The following ALKBH5 variants were observed in gnomAD, a reference collection of about 807,000 sequenced individuals.
ALKBH5 encodes alkB homolog 5, RNA demethylase.
ALKBH5 carries 2 observed loss-of-function variants against 32.1 expected under a neutral mutation model. The observed-to-expected ratio is 0.06, with a 90% confidence interval of 0.03 to 0.20. ALKBH5 has a LOEUF of 0.20. ALKBH5 is among the 10% of genes least tolerant of loss of function. The pLI is 1.00. For missense variants in ALKBH5, 352 were observed against 559.5 expected (o/e 0.63, Z 3.74); for synonymous variants, 300 against 231.7 (o/e 1.29, Z -2.68).
intron 2 of ALKBH5, among the ~76,000 whole-genome samples, chr17:18,201,167 C>T (rs2047234501): frequency 6.6e-6 from 1 of 152,170 alleles, no homozygotes; most frequent in Non-Finnish European, 1.5e-5. Flanking sequence ...TTTCTCTGAC[C>T]AGGGCTTGGT....
rs2047196731 is a variant in ALKBH5 at position 18,194,877 on chromosome 17, TC to T, written c.771-76del. 1.3e-5 allele frequency: 17 copies of T among 1,272,374 alleles called. No homozygotes were observed. The South Asian group carries it at 2.1e-4, about 16-fold the overall frequency. The allele number at this position is 1,272,374 out of a possible 1,614,324, so 78.8% of individuals were successfully genotyped here. ...AGCAGCCGTAAGACCTAGGCCATGT[TC>T]CTGTCCTGTTATATCCCCCAGGAAC... On this transcript the variant is annotated intron_variant, in intron 1 of 3. Transcript: ENST00000399138.
rs777123260 is a variant in ALKBH5 at position 18,208,365 on chromosome 17, C to G, written c.1154C>G (p.Pro385Arg). 6.2e-7 allele frequency: 1 copy of G among 1,613,622 alleles called. No homozygotes were observed. The highest frequency in any genetic ancestry group is 1.7e-5 in the Admixed American group (1 of 59,934). ...SEDCSEAAGSPARKVKMRRH is the reference protein window; with the variant it reads ...SEDCSEAAGSRARKVKMRRH Reference sequence around the variant, plus strand: ...GACTGCTCTGAGGCAGCAGGCAGCCCTGCCCGAAAGGTGAAGATGCGGCGG... The same window carrying G: ...GACTGCTCTGAGGCAGCAGGCAGCCGTGCCCGAAAGGTGAAGATGCGGCGG... Residue 385 changes from proline to arginine, a missense_variant, in exon 4 of 4, where the codon CCT (proline) becomes CGT (arginine). Coordinates refer to ENST00000399138, the MANE Select transcript of ALKBH5 (RefSeq NM_017758.4).
intron 1 of ALKBH5, among the ~76,000 whole-genome samples, chr17:18,192,440 GT>G (rs1177053011): frequency 2.0e-5 from 3 of 152,108 alleles, no homozygotes; most frequent in Admixed American, 1.3e-4. Context: ...CTTTAAAACT[GT>G]CCCCATTTTT....
intron 1 of ALKBH5, among the ~76,000 whole-genome samples, chr17:18,192,388 G>T (rs1056630310): frequency 6.6e-6 from 1 of 152,174 alleles, no homozygotes; most frequent in Admixed American, 6.5e-5. Flanking sequence ...AGGAGGCCCC[G>T]TTTTTAAAAT....
At position 18,203,708 on chromosome 17, in the gene ALKBH5, G is replaced by T. The variant is rs117494149; in HGVS notation, c.852-3107G>T. Among the ~76,000 whole-genome samples, 4 of 152,352 alleles carry T rather than the reference G, an allele frequency of 2.6e-5. No homozygotes were observed. In the East Asian group the frequency reaches 7.7e-4, roughly 29 times the overall value. On this transcript the variant is annotated intron_variant, in intron 2 of 3. Coordinates refer to ENST00000399138, the MANE Select transcript of ALKBH5 (RefSeq NM_017758.4). ...GTTGGTTGCCTTTTAACAGGGGCAT[G>T]TTCTGAAGTTAAGCTACTGGTGGGC...
In ALKBH5 at chr17:18,184,468, G is replaced by T; in HGVS notation, c.225G>T (p.Gln75His). 1 of 1,612,526 alleles carries T rather than the reference G, an allele frequency of 6.2e-7. No homozygotes were observed. The highest frequency in any genetic ancestry group is 8.5e-7 in the Non-Finnish European group (1 of 1,179,646). ...AGCGCAGCGACTATGAGGAGCAGCA[G>T]CTGCAGAAGGAGGAGGAGGCGCGCA... ...DPERSDYEEQ[Q>H]LQKEEEARKV... The change falls in exon 1 of 4, where the codon CAG (glutamine) becomes CAT (histidine). Residue 75 changes from glutamine (Q) to histidine (H), a missense_variant. Gln to His is a conservative substitution (Grantham distance 24, BLOSUM62 0). Transcript: ENST00000399138.
intron 1 of ALKBH5, among the ~76,000 whole-genome samples, chr17:18,192,594 G>A (rs1026981727): frequency 2.0e-5 from 3 of 152,144 alleles, no homozygotes; most frequent in African/African-American, 7.2e-5. Flanking sequence ...TTTAACAAAG[G>A]TCACAAAGCT....
Position 18,208,333 on chromosome 17 carries a change from C to T in ALKBH5, c.1122C>T (p.Ser374=). ...ACTACTGGCGCAAGTCATACGAGTC[C>T]TCAGAGGACTGCTCTGAGGCAGCAG... ...SENYWRKSYE[S]SEDCSEAAGS... Residue 374 remains serine (S), a synonymous_variant, in exon 4 of 4, where the codon TCC becomes TCT. Transcript: ENST00000399138. The T allele has an allele frequency of 6.2e-7, 1 of 1,614,110 alleles. No individual in the cohort carries two copies. Among genetic ancestry groups the T allele is most frequent in the Non-Finnish European group, 8.5e-7 (1 of 1,180,022 alleles).
At chr17:18,191,440 G>A (rs1156239343) in intron 1 of ALKBH5, among the ~76,000 whole-genome samples, 6 of 152,188 alleles carry the variant, frequency 3.9e-5, no homozygotes, top group Non-Finnish European at 5.9e-5. Context: ...AACCTGACAT[G>A]GCTTATTGTT....
At chr17:18,203,773 C>G (rs1221364809) in intron 2 of ALKBH5, among the ~76,000 whole-genome samples, 4 of 152,228 alleles carry the variant, frequency 2.6e-5, no homozygotes, top group African/African-American at 9.6e-5. Flanking sequence ...CATCCTGCAG[C>G]TTGGTGAATT....
At chr17:18,193,177 A>G (rs985526821) in intron 1 of ALKBH5, among the ~76,000 whole-genome samples, 3 of 151,452 alleles carry the variant, frequency 2.0e-5, no homozygotes, top group Non-Finnish European at 2.9e-5. Flanking sequence ...ACTGTCTCTT[A>G]TGGGACTGGT....
intron 1 of ALKBH5, among the ~76,000 whole-genome samples, chr17:18,191,162 A>T (rs2047172136): frequency 6.6e-6 from 1 of 152,216 alleles, no homozygotes. Context: ...TAGGTTCCTT[A>T]ATAGTAAATA....
chr17:18,196,591 G>A (rs977033644), intron 2 of ALKBH5, among the ~76,000 whole-genome samples: 1 of 152,198 alleles, frequency 6.6e-6, no homozygotes. Context: ...TTTGTCTGAT[G>A]TTTTTATGGT....
intron 2 of ALKBH5, among the ~76,000 whole-genome samples, chr17:18,196,665 T>A (rs2047206394): frequency 6.6e-6 from 1 of 152,232 alleles, no homozygotes; most frequent in African/African-American, 2.4e-5. Context: ...TTAACACTAT[T>A]GATATTGATC....
intron 1 of ALKBH5, 91 bp from the exon 2 acceptor site, chr17:18,194,864 A>T: frequency 9.6e-7 from 1 of 1,040,650 alleles, no homozygotes; most frequent in Non-Finnish European, 1.5e-6. Context: ...CAGCCGTAAG[A>T]CCTAGGCCAT....
rs746393020 is a variant in ALKBH5 at position 18,184,372 on chromosome 17, A to AGCCGCCGCT, written c.137_145dup (p.Ala46_Ala48dup). The AGCCGCCGCT allele has an allele frequency of 1.3e-5, 19 of 1,517,010 alleles. No homozygotes were observed. The highest frequency in any genetic ancestry group is 1.7e-5 in the Non-Finnish European group (19 of 1,135,370). 94.0% of individuals were successfully genotyped at this position (1,517,010 alleles called of 1,614,324 possible). A position where few individuals can be genotyped will look rare whatever the true frequency, so the allele number is the denominator to read the frequency against. ...CAGCCGCCGTAGCCGCCGCAGCCGC[A>AGCCGCCGCT]GCCGCCGCTGCCGCCGAACCTTACC... On this transcript the variant is annotated inframe_insertion, in exon 1 of 4. Transcript: ENST00000399138.
rs1373081501 is a variant in ALKBH5, at chr17:18,209,923, A to G, written c.*1527A>G. Reference sequence around the variant, plus strand: ...CACTTCGCCCTGATATGTGTGCTCTACAATAAAAACCAAATCTAATATATT... The same window carrying G: ...CACTTCGCCCTGATATGTGTGCTCTGCAATAAAAACCAAATCTAATATATT... On this transcript the variant is annotated 3_prime_UTR_variant, in exon 4 of 4. Transcript: ENST00000399138. 1.3e-5 allele frequency: 2 copies of G among 152,680 alleles called. No individual in the cohort carries two copies. The highest frequency in any genetic ancestry group is 1.3e-4 in the Admixed American group (2 of 15,288). 9.5% of individuals were successfully genotyped at this position (152,680 alleles called of 1,614,324 possible). A position where few individuals can be genotyped will look rare whatever the true frequency, so the allele number is the denominator to read the frequency against.
chr17:18,187,180 A>G (rs886316092), intron 1 of ALKBH5, among the ~76,000 whole-genome samples: 2 of 152,022 alleles, frequency 1.3e-5, no homozygotes, highest in African/African-American at 4.8e-5. Flanking sequence ...CATCTTTTCC[A>G]CTTTGGAGTG....
rs1024790549 is a variant in ALKBH5 at position 18,183,969 on chromosome 17, C to A, written c.-275C>A. The A allele has an allele frequency of 8.8e-5, 55 of 626,558 alleles. No individual in the cohort carries two copies. The highest frequency in any genetic ancestry group is 1.5e-4 in the Non-Finnish European group (52 of 340,048). The allele number at this position is 626,558 out of a possible 1,614,324, so 38.8% of individuals were successfully genotyped here. A position where few individuals can be genotyped will look rare whatever the true frequency, so the allele number is the denominator to read the frequency against. ...GCCGCGTCTCCGCAGCAGCCCTCCG[C>A]GGCATGAGGCGCTGCCGGCGCCCCT... On this transcript the variant is annotated 5_prime_UTR_variant, in exon 1 of 4. Coordinates refer to ENST00000399138, the MANE Select transcript of ALKBH5 (RefSeq NM_017758.4).
Sources: allele counts gnomAD v4.1 joint callset (sites outside exome capture counted in the v4.1 genomes callset), GRCh38; gene constraint gnomAD v4.1.1; transcripts MANE v1.5; gene names NCBI Gene and HGNC (gene_info 2026-07-23, HGNC 2026-07-21).